HRK: variants seen among roughly 807,000 people sequenced by gnomAD.
HRK encodes the protein activator of apoptosis harakiri.
In HRK, 6 loss-of-function variants were observed where a neutral mutation model predicts 5.9. The ratio of observed to expected loss-of-function variants is 1.02; its 90% CI spans 0.56 to 2.01. The LOEUF is 2.01. HRK is among the 30% of genes most tolerant of loss of function. The pLI is 0.00. For synonymous variants in HRK, 85 were observed against 65.1 expected (o/e 1.31, Z -1.47); for missense variants, 133 against 128.3 (o/e 1.04, Z -0.18).
chr12:116,872,635 T>C (rs952984700), intron 1 of HRK, among the ~76,000 whole-genome samples: 1 of 151,780 alleles, frequency 6.6e-6, no homozygotes, highest in Non-Finnish European at 1.5e-5. Flanking sequence ...ATTAGCCAGG[T>C]GTGGTGGCGT....
chr12:116,869,444 T>C (rs1002677442), intron 1 of HRK: 2 of 152,180 alleles, frequency 1.3e-5, no homozygotes, highest in Non-Finnish European at 2.9e-5. Context: ...GCCACTCACA[T>C]GTAGAGGGGG....
chr12:116,870,039 C>T (rs189098957), intron 1 of HRK, among the ~76,000 whole-genome samples: 4 of 152,204 alleles, frequency 2.6e-5, no homozygotes, highest in East Asian at 3.9e-4. Context: ...AAGATCGTGC[C>T]GCTGCACTCC....
chr12:116,880,392 G>T (rs751409876), intron 1 of HRK, among the ~76,000 whole-genome samples: 1 of 152,170 alleles, frequency 6.6e-6, no homozygotes, highest in Non-Finnish European at 1.5e-5. Context: ...CGCGGAGCTT[G>T]GGAAGAAAGA....
At chr12:116,863,406 A>T (rs1016187141) in intron 1 of HRK, among the ~76,000 whole-genome samples, 1 of 152,146 alleles carries the variant, frequency 6.6e-6, no homozygotes, top group Non-Finnish European at 1.5e-5. Flanking sequence ...TCCAGGTCCC[A>T]TTCCTTACCC....
intron 1 of HRK, among the ~76,000 whole-genome samples, chr12:116,870,533 C>T (rs1030686854): frequency 2.0e-5 from 3 of 152,174 alleles, no homozygotes; most frequent in African/African-American, 7.2e-5. Context: ...GTGACATGGG[C>T]TGGGCACAGT....
Position 116,860,936 on chromosome 12 carries a change from T to G in HRK, c.*587A>C, listed in dbSNP as rs930793082. On this transcript the variant is annotated 3_prime_UTR_variant, in exon 2 of 2. Coordinates refer to ENST00000257572, the MANE Select transcript of HRK (RefSeq NM_003806.4). ...GTACAGAGGGAGAGGCTAGGACGAG[T>G]CAAGAAATGGAGGCATCCCAGACTG... 2 of 151,680 alleles carry G rather than the reference T, an allele frequency of 1.3e-5. No individual in the cohort carries two copies. The highest frequency in any genetic ancestry group is 2.9e-5 in the Non-Finnish European group (2 of 67,930). The allele number at this position is 151,680 out of a possible 1,614,324, so 9.4% of individuals were successfully genotyped here. A position where few individuals can be genotyped will look rare whatever the true frequency, so the allele number is the denominator to read the frequency against.
At chr12:116,872,409 C>G (rs1159536846) in intron 1 of HRK, among the ~76,000 whole-genome samples, 2 of 151,996 alleles carry the variant, frequency 1.3e-5, no homozygotes, top group Admixed American at 6.6e-5. Context: ...AAATATTAAG[C>G]TGTTGAACAA....
chr12:116,881,202 G>T lies in HRK; in HGVS notation c.106C>A (p.Arg36=). Residue 36 remains arginine (R), a synonymous_variant, in exon 1 of 2, where the codon CGG becomes AGG. Coordinates refer to ENST00000257572, the MANE Select transcript of HRK (RefSeq NM_003806.4). ...RSSAAQLTAA[R]LKALGDELHQ... is the part of the protein sequence containing the mutation. The stretch of plus-strand genomic sequence containing the variant: ...AGCTCGTCGCCTAGCGCCTTGAGCC[G>T]GGCGGCGGTGAGCTGCGCGGCGGAC... The T allele has an allele frequency of 2.6e-6, 3 of 1,136,650 alleles. No individual in the cohort carries two copies. The highest frequency in any genetic ancestry group is 2.2e-6 in the Non-Finnish European group (2 of 928,356). The allele number at this position is 1,136,650 out of a possible 1,614,324, so 70.4% of individuals were successfully genotyped here.
rs889459743 is a variant in HRK at position 116,858,843 on chromosome 12, C to T, written c.*2680G>A. On this transcript the variant is annotated 3_prime_UTR_variant, in exon 2 of 2. Coordinates refer to ENST00000257572, the MANE Select transcript of HRK (RefSeq NM_003806.4). Reference sequence around the variant, plus strand: ...AATATTTTTTAAAAAACAAGAACCACCCCACTATCTCATGCAATCCAAGTA... The same window carrying T: ...AATATTTTTTAAAAAACAAGAACCATCCCACTATCTCATGCAATCCAAGTA... The T allele has an allele frequency of 6.6e-6, 1 of 151,920 alleles. No individual in the cohort carries two copies. Among genetic ancestry groups the T allele is most frequent in the South Asian group, 2.1e-4 (1 of 4,816 alleles). The allele number at this position is 151,920 out of a possible 1,614,324, so 9.4% of individuals were successfully genotyped here.
intron 1 of HRK, among the ~76,000 whole-genome samples, chr12:116,876,525 G>A (rs1011184218): frequency 1.3e-5 from 2 of 151,978 alleles, no homozygotes; most frequent in African/African-American, 2.4e-5. Flanking sequence ...ATGGGCCTGC[G>A]GAGTCCCCCT....
chr12:116,857,266 A>C lies in HRK; in HGVS notation c.*4257T>G, dbSNP rs1209310265. 1 of 152,266 alleles carries C rather than the reference A, an allele frequency of 6.6e-6. No individual in the cohort carries two copies. The highest frequency in any genetic ancestry group is 1.9e-4 in the East Asian group (1 of 5,206). The allele number at this position is 152,266 out of a possible 1,614,324, so 9.4% of individuals were successfully genotyped here. A position where few individuals can be genotyped will look rare whatever the true frequency, so the allele number is the denominator to read the frequency against. On this transcript the variant is annotated 3_prime_UTR_variant, in exon 2 of 2. Coordinates refer to ENST00000257572, the MANE Select transcript of HRK (RefSeq NM_003806.4). ...TACAACTGGCACATTGTAGATGCTC[A>C]ATCAATATATGCTAAATGAATGAAT...
intron 1 of HRK, among the ~76,000 whole-genome samples, chr12:116,873,327 A>G (rs977284264): frequency 6.6e-6 from 1 of 152,086 alleles, no homozygotes; most frequent in African/African-American, 2.4e-5. Flanking sequence ...AGCATTTTCC[A>G]AATAGTTGCC....
chr12:116,881,431 T>A lies in HRK; in HGVS notation c.-124A>T. On this transcript the variant is annotated 5_prime_UTR_variant, in exon 1 of 2. The change creates a new upstream start codon in the 5' untranslated region. Transcript: ENST00000257572. ...CCTCCCCTGGACACCAAGTTTCTCC[T>A]TGTGTTGTGCGTTTGTTGTGCTGAC... The A allele has an allele frequency of 1.2e-6, 1 of 846,762 alleles. No individual in the cohort carries two copies. Among genetic ancestry groups the A allele is most frequent in the Non-Finnish European group, 1.4e-6 (1 of 699,608 alleles). 52.5% of individuals were successfully genotyped at this position (846,762 alleles called of 1,614,324 possible). A position where few individuals can be genotyped will look rare whatever the true frequency, so the allele number is the denominator to read the frequency against.
chr12:116,862,238 C>T lies in HRK; in HGVS notation c.*57-772G>A, dbSNP rs1878392136. 6.6e-6 allele frequency among the ~76,000 whole-genome samples: 1 copy of T among 152,314 alleles called. No homozygotes were observed. Among genetic ancestry groups the T allele is most frequent in the South Asian group, 2.1e-4 (1 of 4,818 alleles). On this transcript the variant is annotated intron_variant, in intron 1 of 1. Transcript: ENST00000257572. The surrounding 1 kb of genome is among the most constrained non-coding windows in gnomAD (Gnocchi z 4.0). ...AGAAAAAACAGCCCATACCCAGGAG[C>T]ATCCACCACAGAATGCACAAAATGT... is the stretch of plus-strand genomic sequence containing the variant.
At chr12:116,880,491 A>G (rs950746201) in intron 1 of HRK, among the ~76,000 whole-genome samples, 1 of 152,150 alleles carries the variant, frequency 6.6e-6, no homozygotes, top group Admixed American at 6.5e-5. Flanking sequence ...GAGAAGTGAC[A>G]CTTAGGGACA....
intron 1 of HRK, among the ~76,000 whole-genome samples, chr12:116,864,216 T>C (rs1229054900): frequency 6.6e-6 from 1 of 152,234 alleles, no homozygotes; most frequent in Non-Finnish European, 1.5e-5. Flanking sequence ...AGTGTAACCC[T>C]GCAGCATTAG....
At chr12:116,877,337 T>C (rs1878972990) in intron 1 of HRK, among the ~76,000 whole-genome samples, 1 of 152,084 alleles carries the variant, frequency 6.6e-6, no homozygotes. Context: ...ATTACAGGAC[T>C]GAACCACTGG....
At chr12:116,876,365 G>A (rs371043078) in intron 1 of HRK, among the ~76,000 whole-genome samples, 12 of 152,336 alleles carry the variant, frequency 7.9e-5, no homozygotes, top group South Asian at 2.1e-4. Flanking sequence ...GGAGGCCTGC[G>A]GGATGCGCCT....
chr12:116,867,397 G>A (rs1878584920), intron 1 of HRK, among the ~76,000 whole-genome samples: 1 of 151,960 alleles, frequency 6.6e-6, no homozygotes, highest in African/African-American at 2.4e-5. Flanking sequence ...ACCTGCCTTG[G>A]CCTCCCAAAG....
Sources: gnomAD v4.1 joint callset for allele counts (sites outside exome capture counted in the v4.1 genomes callset) on GRCh38, gnomAD v4.1.1 for gene constraint, Gnocchi (gnomAD v3.1) non-coding constraint, MANE v1.5 for transcripts, NCBI Gene and HGNC (gene_info 2026-07-23, HGNC 2026-07-21) for gene names.